TTC39C: variants seen among roughly 807,000 people sequenced by gnomAD.
TTC39C encodes tetratricopeptide repeat domain 39C.
In TTC39C, 33 loss-of-function variants were observed where a neutral mutation model predicts 76.3. The observed-to-expected ratio is 0.43, with a 90% CI of 0.33 to 0.58. The LOEUF (loss-of-function observed/expected upper bound fraction) is 0.58. TTC39C is among the 20% of genes least tolerant of loss of function. The probability of loss-of-function intolerance (pLI) is 0.04; values close to 1 mark genes in which losing one functional copy is unlikely to be tolerated. For synonymous variants in TTC39C, 254 were observed against 260.6 expected, an observed-to-expected ratio of 0.97 and a Z score of 0.24; for missense variants, 595 against 701.4, an observed-to-expected ratio of 0.85 and a Z score of 1.71.
At chr18:24,130,517 G>A in intron 12 of TTC39C, 100 bp downstream of exon 12, 1 of 315,436 alleles carries the variant, frequency 3.2e-6, no homozygotes, top group Non-Finnish European at 5.3e-6. Context: ...AAAACAAACT[G>A]AACACAGTGT....
intron 6 of TTC39C, among the ~76,000 whole-genome samples, chr18:24,106,425 ACT>A (rs918968150): frequency 2.3e-5 from 3 of 130,362 alleles, no homozygotes; most frequent in African/African-American, 8.9e-5. Context: ...ATCAGTTAGC[ACT>A]CTCAGGGGAG....
chr18:24,026,113 C>A (rs1196314669), intron 1 of TTC39C, among the ~76,000 whole-genome samples: 1 of 152,172 alleles, frequency 6.6e-6, no homozygotes, highest in Non-Finnish European at 1.5e-5. Context: ...GGATGGAGAA[C>A]TACTGAGGTT....
chr18:23,996,774 A>T (rs1201771048), intron 1 of TTC39C, among the ~76,000 whole-genome samples: 7 of 152,174 alleles, frequency 4.6e-5, no homozygotes, highest in African/African-American at 1.7e-4. Context: ...AAGACTGGGG[A>T]CCCAATCTCC....
intron 10 of TTC39C, among the ~76,000 whole-genome samples, chr18:24,127,469 A>T (rs2085065674): frequency 1.3e-5 from 2 of 151,850 alleles, no homozygotes; most frequent in South Asian, 4.2e-4. Flanking sequence ...TTCCCCACCC[A>T]CCTGCCCTTC....
At chr18:24,034,803 T>G (rs2083713558) in intron 1 of TTC39C, among the ~76,000 whole-genome samples, 1 of 152,244 alleles carries the variant, frequency 6.6e-6, no homozygotes, top group African/African-American at 2.4e-5. Flanking sequence ...ATAGCATATG[T>G]CAGAATTCTG....
chr18:24,064,189 G>C lies in TTC39C; in HGVS notation c.216+1G>C. On this transcript the variant is annotated splice_donor_variant, in intron 2 of 13. Transcript: ENST00000317571. LOFTEE classifies it high-confidence loss of function. ...TGGAGCCAGCTTTGTCAGTTTTTTG[G>C]TAAGTTGATATCTTAAGACCTATTG... is the stretch of plus-strand genomic sequence containing the variant. 1.9e-6 allele frequency: 3 copies of C among 1,613,522 alleles called. No homozygotes were observed. The highest frequency in any genetic ancestry group is 2.5e-6 in the Non-Finnish European group (3 of 1,179,836).
chr18:24,125,612 G>A (rs2085041053), intron 10 of TTC39C, 62 bp downstream of exon 10: 6 of 1,592,896 alleles, frequency 3.8e-6, no homozygotes, highest in Non-Finnish European at 4.3e-6. Context: ...CTGTCAGTGC[G>A]GCATTCTTCA....
At chr18:24,095,466 AG>A (rs2084577029) in intron 6 of TTC39C, among the ~76,000 whole-genome samples, 1 of 152,228 alleles carries the variant, frequency 6.6e-6, no homozygotes, top group South Asian at 2.1e-4. Context: ...TGGGAGGCTG[AG>A]GCCAGCAGAT....
At chr18:24,009,596 AGAAT>A (rs1415166533) in intron 1 of TTC39C, among the ~76,000 whole-genome samples, 1 of 152,208 alleles carries the variant, frequency 6.6e-6, no homozygotes, top group Non-Finnish European at 1.5e-5. Context: ...ATGGGGAGAG[AGAAT>A]GAAACTATCT....
chr18:24,030,732 C>A (rs1206389608), intron 1 of TTC39C, among the ~76,000 whole-genome samples: 1 of 137,622 alleles, frequency 7.3e-6, no homozygotes, highest in Non-Finnish European at 1.5e-5. Context: ...CACACTGCAA[C>A]CTCCACCTCC....
intron 1 of TTC39C, among the ~76,000 whole-genome samples, chr18:24,024,942 C>T (rs1210079443): frequency 6.6e-6 from 1 of 152,178 alleles, no homozygotes; most frequent in Non-Finnish European, 1.5e-5. Flanking sequence ...GATCTCAGCT[C>T]ACTGCAACCT....
chr18:24,022,565 A>C lies in TTC39C; in HGVS notation c.167+7527A>C, dbSNP rs568755374. 106 of 985,352 alleles carry C rather than the reference A, an allele frequency of 1.1e-4. No individual in the cohort carries two copies. In the African/African-American group the frequency reaches 1.7e-3, roughly 16 times the overall value. 61.0% of individuals were successfully genotyped at this position (985,352 alleles called of 1,614,324 possible). A position where few individuals can be genotyped will look rare whatever the true frequency, so the allele number is the denominator to read the frequency against. The stretch of plus-strand genomic sequence containing the variant: ...GAACTTCTACAGTAAAAGGATTCAC[A>C]TGTGTCCTGTCAAAGCCATTTTGGG... On this transcript the variant is annotated intron_variant, in intron 1 of 13. Transcript: ENST00000317571.
At chr18:24,116,228 G>T (rs1390533450) in intron 7 of TTC39C, among the ~76,000 whole-genome samples, 2 of 152,010 alleles carry the variant, frequency 1.3e-5, no homozygotes, top group African/African-American at 4.8e-5. Flanking sequence ...ATCTTTCTCC[G>T]CTATCTATGC....
In TTC39C at chr18:24,082,945, G is replaced by T; in HGVS notation, c.848G>T (p.Arg283Leu). Residue 283 changes from arginine to leucine, a missense_variant, in exon 6 of 14, where the codon CGC becomes CTC. By Grantham distance (102) the Arg-to-Leu change is moderately radical (BLOSUM62 -2). Transcript: ENST00000317571. Reference protein sequence around the residue: ...LALLWYHTVVRPFFALDGSDN... With the variant: ...LALLWYHTVVLPFFALDGSDN... ...CTGCTCTGGTATCATACTGTAGTCC[G>T]CCCGTTTTTTGCCTTGGATGGCAGT... 1 of 1,613,604 alleles carries T rather than the reference G, an allele frequency of 6.2e-7. No homozygotes were observed. Among genetic ancestry groups the T allele is most frequent in the Non-Finnish European group, 8.5e-7 (1 of 1,179,730 alleles).
Position 24,080,912 on chromosome 18 carries a change from G to T in TTC39C, c.788G>T (p.Ser263Ile). Residue 263 changes from serine (S) to isoleucine (I), a missense_variant, in exon 5 of 14, where the codon AGT becomes ATT. Transcript: ENST00000317571. The part of the protein sequence containing the change: ...GLSSLMYASE[S>I]KDMKAPLATL... ...TCTTCACTGATGTATGCAAGCGAAA[G>T]TAAGGACATGAAGGCCCCTTTAGCT... 1.2e-6 allele frequency: 2 copies of T among 1,613,766 alleles called. No homozygotes were observed. The highest frequency in any genetic ancestry group is 1.7e-6 in the Non-Finnish European group (2 of 1,179,842).
chr18:24,040,319 T>G (rs2083777700), intron 1 of TTC39C, among the ~76,000 whole-genome samples: 1 of 152,212 alleles, frequency 6.6e-6, no homozygotes, highest in Non-Finnish European at 1.5e-5. Context: ...TGTCTTTCAG[T>G]ATTGGGGTCA....
Position 24,082,999 on chromosome 18 carries a change from A to G in TTC39C, c.902A>G (p.Lys301Arg). ...AACAAGGCAGGCCTGGATGAAGCTA[A>G]GGAAATTCTCCTTAAAAAAGAAGCT... ...SDNKAGLDEA[K>R]EILLKKEAAY... Residue 301 changes from lysine to arginine, a missense_variant, in exon 6 of 14, where the codon AAG becomes AGG. Physicochemically the swap from Lys to Arg is conservative, Grantham distance 26. Coordinates refer to ENST00000317571, the MANE Select transcript of TTC39C (RefSeq NM_001135993.2). The G allele has an allele frequency of 6.2e-7, 1 of 1,614,148 alleles. No homozygotes were observed. Among genetic ancestry groups the G allele is most frequent in the Non-Finnish European group, 8.5e-7 (1 of 1,180,000 alleles).
chr18:24,068,778 CT>C (rs1454660320), intron 3 of TTC39C, among the ~76,000 whole-genome samples: 6 of 152,168 alleles, frequency 3.9e-5, no homozygotes, highest in African/African-American at 1.4e-4. Flanking sequence ...GCAAAGTTGA[CT>C]TTTCAGGTTA....
At chr18:24,112,142 G>T (rs903453476) in intron 6 of TTC39C, among the ~76,000 whole-genome samples, 5 of 152,184 alleles carry the variant, frequency 3.3e-5, no homozygotes, top group African/African-American at 1.2e-4. Context: ...GCCTCTGGTG[G>T]CTGCTGGCCT....
Sources: allele counts gnomAD v4.1 joint callset (sites outside exome capture counted in the v4.1 genomes callset), GRCh38; gene constraint gnomAD v4.1.1; transcripts MANE v1.5; gene names NCBI Gene and HGNC (gene_info 2026-07-23, HGNC 2026-07-21).